Variants in SLC4A10 observed in about 807,000 individuals in gnomAD.
SLC4A10 encodes the protein sodium-driven chloride bicarbonate exchanger.
Under a neutral mutation model 137.7 loss-of-function variants are expected in SLC4A10, and 42 were observed. The ratio of observed to expected loss-of-function variants is 0.30; its 90% CI spans 0.24 to 0.39. The LOEUF (loss-of-function observed/expected upper bound fraction) is 0.39. Ranked by LOEUF, SLC4A10 falls within the 10% of genes least tolerant of loss-of-function variation. SLC4A10 has a pLI of 1.00. For missense variants in SLC4A10, 925 were observed against 1,355.0 expected (o/e 0.68, Z 4.98); for synonymous variants, 474 against 464.1 (o/e 1.02, Z -0.27).
intron 15 of SLC4A10, among the ~76,000 whole-genome samples, chr2:161,914,895 A>C (rs1686748581): frequency 6.6e-6 from 1 of 152,174 alleles, no homozygotes; most frequent in East Asian, 1.9e-4. Context: ...CTAGGCAGAC[A>C]GGGGTGAGTC....
chr2:161,920,741 A>G (rs1261716892), intron 15 of SLC4A10, among the ~76,000 whole-genome samples: 1 of 152,222 alleles, frequency 6.6e-6, no homozygotes, highest in African/African-American at 2.4e-5. Context: ...GGAAAAGAGC[A>G]ACCTACAAAA....
At chr2:161,974,161 A>G (rs1362832501) in intron 23 of SLC4A10, 88 bp from the exon 24 acceptor site, 6 of 1,099,740 alleles carry the variant, frequency 5.5e-6, no homozygotes, top group African/African-American at 4.8e-5. Flanking sequence ...GGTTAATGAG[A>G]TAATGAAACA....
intron 26 of SLC4A10, among the ~76,000 whole-genome samples, chr2:161,982,408 G>C (rs1195178167): frequency 6.6e-6 from 1 of 152,126 alleles, no homozygotes; most frequent in East Asian, 1.9e-4. Context: ...TGTACGATGG[G>C]AAAATATTGA....
At chr2:161,672,432 G>A (rs1006303057) in intron 1 of SLC4A10, among the ~76,000 whole-genome samples, 3 of 152,056 alleles carry the variant, frequency 2.0e-5, no homozygotes, top group African/African-American at 4.8e-5. Context: ...CATATTGGGA[G>A]GCTGAGGTGG....
At chr2:161,665,576 G>A (rs1449253894) in intron 1 of SLC4A10, among the ~76,000 whole-genome samples, 1 of 151,648 alleles carries the variant, frequency 6.6e-6, no homozygotes, top group East Asian at 1.9e-4. Context: ...TTGGGCTCTG[G>A]GGATTTCAAT....
chr2:161,733,578 G>T (rs1481468251), intron 1 of SLC4A10, among the ~76,000 whole-genome samples: 1 of 152,244 alleles, frequency 6.6e-6, no homozygotes, highest in Non-Finnish European at 1.5e-5. Flanking sequence ...GAAATGTGGG[G>T]TTGGAGCCCC....
At chr2:161,676,636 T>C (rs944854804) in intron 1 of SLC4A10, among the ~76,000 whole-genome samples, 1 of 152,200 alleles carries the variant, frequency 6.6e-6, no homozygotes, top group Non-Finnish European at 1.5e-5. Flanking sequence ...GTGTAATTAT[T>C]ACAAAATGGA....
At chr2:161,696,245 T>G (rs1034999743) in intron 1 of SLC4A10, among the ~76,000 whole-genome samples, 4 of 152,244 alleles carry the variant, frequency 2.6e-5, no homozygotes, top group African/African-American at 4.8e-5. Context: ...CAAGAACTCA[T>G]CCTTTTTTAT....
intron 1 of SLC4A10, among the ~76,000 whole-genome samples, chr2:161,663,153 A>G (rs776245915): frequency 5.3e-5 from 8 of 152,174 alleles, no homozygotes; most frequent in Non-Finnish European, 1.0e-4. Context: ...AATCTTTTTT[A>G]TAACAGCCAT....
At position 161,879,178 on chromosome 2, in the gene SLC4A10, G is replaced by C; in HGVS notation, c.996G>C (p.Ser332=). ...MKKIPPGAEA[S]NILVGELEFL... is the part of the protein sequence containing the mutation. ...AGATTCCTCCAGGTGCTGAAGCATC[G>C]AACATCTTAGTGGGAGAACTGGAGT... is the stretch of plus-strand genomic sequence containing the variant. The change falls in exon 9 of 27, where the codon TCG becomes TCC. Residue 332 remains serine, a synonymous_variant. Coordinates refer to ENST00000446997, the MANE Select transcript of SLC4A10 (RefSeq NM_001178015.2). The C allele has an allele frequency of 1.2e-6, 2 of 1,613,452 alleles. No homozygotes were observed. Among genetic ancestry groups the C allele is most frequent in the Non-Finnish European group, 1.7e-6 (2 of 1,179,580 alleles).
intron 1 of SLC4A10, among the ~76,000 whole-genome samples, chr2:161,722,468 G>C (rs908416013): frequency 6.6e-6 from 1 of 152,088 alleles, no homozygotes. Context: ...TGGTTTGCTG[G>C]GGGTCCTCTC....
At chr2:161,896,774 T>C (rs977149106) in intron 11 of SLC4A10, among the ~76,000 whole-genome samples, 56 of 152,234 alleles carry the variant, frequency 3.7e-4, no homozygotes, top group African/African-American at 1.2e-3. Context: ...TCTTTCTTAG[T>C]ACTACCTAAC....
intron 3 of SLC4A10, among the ~76,000 whole-genome samples, chr2:161,836,509 A>G (rs1325561137): frequency 0.018 from 2,467 of 136,932 alleles, 170 homozygotes; most frequent in African/African-American, 0.059. Flanking sequence ...GAAGAAAAAG[A>G]AAGAAAGAAA....
chr2:161,882,872 T>C (rs2061911887), intron 10 of SLC4A10, among the ~76,000 whole-genome samples: 1 of 152,206 alleles, frequency 6.6e-6, no homozygotes, highest in Non-Finnish European at 1.5e-5. Flanking sequence ...TACAGTTGCC[T>C]GAATGTAGAT....
At chr2:161,669,826 G>T (rs978842780) in intron 1 of SLC4A10, among the ~76,000 whole-genome samples, 1 of 151,954 alleles carries the variant, frequency 6.6e-6, no homozygotes, top group African/African-American at 2.4e-5. Flanking sequence ...GCCTCCAATT[G>T]GGTGACACAG....
intron 15 of SLC4A10, among the ~76,000 whole-genome samples, chr2:161,930,543 A>C (rs180956873): frequency 0.011 from 1,585 of 149,726 alleles, 13 homozygotes; most frequent in Non-Finnish European, 0.017. Context: ...AAATTATATT[A>C]ATTTATATTA....
chr2:161,663,410 G>A (rs892383219), intron 1 of SLC4A10, among the ~76,000 whole-genome samples: 2 of 151,874 alleles, frequency 1.3e-5, no homozygotes, highest in African/African-American at 2.4e-5. Context: ...TTTAAGTGGC[G>A]ATTACTCACC....
At chr2:161,762,353 T>C (rs2050340515) in intron 1 of SLC4A10, among the ~76,000 whole-genome samples, 1 of 152,148 alleles carries the variant, frequency 6.6e-6, no homozygotes, top group Non-Finnish European at 1.5e-5. Context: ...GTTTGACTTA[T>C]GCTTAGATTT....
chr2:161,902,802 G>T (rs1260949767), intron 12 of SLC4A10, among the ~76,000 whole-genome samples: 4 of 152,034 alleles, frequency 2.6e-5, no homozygotes, highest in Non-Finnish European at 5.9e-5. Context: ...ATTCTAAGGA[G>T]AATTTATTTC....
Sources: gnomAD v4.1 joint callset for allele counts (sites outside exome capture counted in the v4.1 genomes callset) on GRCh38, gnomAD v4.1.1 for gene constraint, MANE v1.5 for transcripts, NCBI Gene and HGNC (gene_info 2026-07-23, HGNC 2026-07-21) for gene names.